C3orf85: variants seen among roughly 807,000 people sequenced by gnomAD.
C3orf85 encodes the protein chromosome 3 open reading frame 85, also known as uncharacterized protein C3orf85.
Under a neutral mutation model 1.7 loss-of-function variants are expected in C3orf85, and 1 was observed. That is an observed-to-expected ratio of 0.60 (90% confidence interval 0.21 to 2.86). The LOEUF (loss-of-function observed/expected upper bound fraction) is 2.86. Among genes scored for constraint, C3orf85 ranks in the 30% most tolerant of loss-of-function variants. The pLI, the probability that C3orf85 is intolerant of heterozygous loss-of-function variation, is 0.22. For synonymous variants in C3orf85, 17 were observed against 8.0 expected (o/e 2.13, Z -1.90); for missense variants, 29 against 21.3 (o/e 1.36, Z -0.72).
intron 2 of C3orf85, among the ~76,000 whole-genome samples, chr3:109,143,941 T>C (rs1706768020): frequency 6.6e-6 from 1 of 152,186 alleles, no homozygotes; most frequent in African/African-American, 2.4e-5. Flanking sequence ...AGAGGATATT[T>C]AAGAAATGTT....
intron 2 of C3orf85, 80 bp downstream of exon 2, chr3:109,136,976 T>C: frequency 2.5e-6 from 1 of 401,160 alleles, no homozygotes; most frequent in Non-Finnish European, 4.4e-6. Flanking sequence ...CTTAAAGAAA[T>C]GAACAAACAC....
intron 2 of C3orf85, among the ~76,000 whole-genome samples, chr3:109,137,637 G>GTGTGTGTGTATATA (rs751674362): frequency 1.4e-4 from 11 of 79,904 alleles, no homozygotes; most frequent in East Asian, 4.4e-4. Context: ...GTGTGTGTGT[G>GTGTGTGTGTATATA]TATATATATA....
chr3:109,142,976 C>A (rs1255226180), intron 2 of C3orf85, among the ~76,000 whole-genome samples: 1 of 152,190 alleles, frequency 6.6e-6, no homozygotes, highest in Non-Finnish European at 1.5e-5. Context: ...TAACCAATTG[C>A]AGGTTGCAGA....
chr3:109,150,807 G>C lies in C3orf85; in HGVS notation c.*913G>C, dbSNP rs1706860584. On this transcript the variant is annotated 3_prime_UTR_variant, in exon 4 of 4. Transcript: ENST00000622536. ...TCTCCATTCTCTATTCTCTATTTTA[G>C]TTGTTCTCTCGAACAATTTATTTTT... Among the ~76,000 whole-genome samples the C allele has an allele frequency of 6.6e-6, 1 of 152,126 alleles. No homozygotes were observed. Among genetic ancestry groups the C allele is most frequent in the Non-Finnish European group, 1.5e-5 (1 of 68,024 alleles).
At chr3:109,142,897 T>C (rs554542415) in intron 2 of C3orf85, among the ~76,000 whole-genome samples, 17 of 152,296 alleles carry the variant, frequency 1.1e-4, no homozygotes, top group African/African-American at 3.8e-4. Flanking sequence ...AAGGGCTAAT[T>C]TGGAAAATGT....
intron 3 of C3orf85, chr3:109,149,207 A>T (rs1286355074): frequency 6.6e-6 from 1 of 152,082 alleles, no homozygotes; most frequent in Non-Finnish European, 1.5e-5. Context: ...CACATATCTC[A>T]GGATCTGATT....
chr3:109,145,037 C>T (rs1706782942), intron 2 of C3orf85, among the ~76,000 whole-genome samples: 1 of 152,104 alleles, frequency 6.6e-6, no homozygotes, highest in South Asian at 2.1e-4. Context: ...CTGGTCAGCC[C>T]AAATGAATGC....
At chr3:109,141,811 C>G (rs1291990238) in intron 2 of C3orf85, among the ~76,000 whole-genome samples, 1 of 152,218 alleles carries the variant, frequency 6.6e-6, no homozygotes, top group Non-Finnish European at 1.5e-5. Flanking sequence ...AGGCAGATCA[C>G]TTGAGGTTAG....
At chr3:109,139,925 G>A (rs1383121454) in intron 2 of C3orf85, among the ~76,000 whole-genome samples, 1 of 152,116 alleles carries the variant, frequency 6.6e-6, no homozygotes, top group Non-Finnish European at 1.5e-5. Context: ...TTTTTGACAA[G>A]AGCTTTTAAG....
intron 2 of C3orf85, chr3:109,146,479 G>A (rs1365248374): frequency 6.6e-6 from 1 of 152,204 alleles, no homozygotes; most frequent in African/African-American, 2.4e-5. Context: ...TTAGCTCAGT[G>A]GTTGTGGCTC....
intron 2 of C3orf85, among the ~76,000 whole-genome samples, chr3:109,139,561 A>G (rs1261442439): frequency 6.6e-6 from 1 of 152,186 alleles, no homozygotes; most frequent in African/African-American, 2.4e-5. Context: ...CGCTATTAAG[A>G]TTTATACTGG....
At position 109,148,158 on chromosome 3, in the gene C3orf85, C is replaced by A. The variant is rs1706820663; in HGVS notation, c.50-95C>A. 4.8e-6 allele frequency: 3 copies of A among 618,920 alleles called. No individual in the cohort carries two copies. In the South Asian group the frequency reaches 5.8e-5, roughly 12 times the overall value. 38.3% of individuals were successfully genotyped at this position (618,920 alleles called of 1,614,324 possible). On this transcript the variant is annotated intron_variant, in intron 2 of 3. Coordinates refer to ENST00000622536, the MANE Select transcript of C3orf85 (RefSeq NM_001351622.2). ...AGAGTTTCCTCCTCAGGCCCCCAGCCTACCAAAGATCACAGCTGGGTCTCT... is the reference window on the plus strand; with the variant it reads ...AGAGTTTCCTCCTCAGGCCCCCAGCATACCAAAGATCACAGCTGGGTCTCT...
chr3:109,143,338 T>C (rs1180693386), intron 2 of C3orf85, among the ~76,000 whole-genome samples: 1 of 152,240 alleles, frequency 6.6e-6, no homozygotes, highest in Non-Finnish European at 1.5e-5. Flanking sequence ...CCATTATGTT[T>C]AAAGAGTTTT....
At chr3:109,138,359 G>A (rs1358351406) in intron 2 of C3orf85, among the ~76,000 whole-genome samples, 1 of 152,182 alleles carries the variant, frequency 6.6e-6, no homozygotes, top group Non-Finnish European at 1.5e-5. Context: ...GGAGACTGAT[G>A]CCTTCAGAAC....
intron 2 of C3orf85, among the ~76,000 whole-genome samples, chr3:109,138,606 T>C (rs945537480): frequency 3.9e-5 from 6 of 152,198 alleles, no homozygotes; most frequent in African/African-American, 1.4e-4. Flanking sequence ...TATAGCTTAG[T>C]CGTCCAACAA....
chr3:109,138,656 G>A (rs535394747), intron 2 of C3orf85, among the ~76,000 whole-genome samples: 2 of 152,262 alleles, frequency 1.3e-5, no homozygotes, highest in African/African-American at 2.4e-5. Flanking sequence ...GAGGTAGGGA[G>A]AAGGTCTCAT....
At chr3:109,148,649 T>A in intron 3 of C3orf85, 1 of 408,438 alleles carries the variant, frequency 2.4e-6, no homozygotes, top group Non-Finnish European at 4.4e-6. Context: ...TCTCCCTTTT[T>A]GCATGCTCTT....
intron 2 of C3orf85, among the ~76,000 whole-genome samples, chr3:109,145,386 A>G (rs566953419): frequency 2.0e-5 from 3 of 152,228 alleles, no homozygotes; most frequent in Non-Finnish European, 4.4e-5. Context: ...AAAAGAACAA[A>G]TACTCTATGA....
chr3:109,144,012 T>C (rs573284023), intron 2 of C3orf85, among the ~76,000 whole-genome samples: 40 of 152,294 alleles, frequency 2.6e-4, no homozygotes, highest in African/African-American at 8.2e-4. Context: ...AAAAGGGGCA[T>C]GTGTAGGGAG....
Sources: gnomAD v4.1 joint callset for allele counts (sites outside exome capture counted in the v4.1 genomes callset) on GRCh38, gnomAD v4.1.1 for gene constraint, MANE v1.5 for transcripts, NCBI Gene and HGNC (gene_info 2026-07-23, HGNC 2026-07-21) for gene names.